Variants in SSBP2 observed in about 807,000 individuals in gnomAD.
SSBP2 encodes single stranded DNA binding protein 2, also known as single-stranded DNA-binding protein 2.
A neutral mutation model predicts 61.8 loss-of-function variants in SSBP2; 17 were observed. That is an observed-to-expected ratio of 0.28 (90% CI 0.19 to 0.41). The LOEUF is 0.41. Ranked by LOEUF, SSBP2 falls within the 10% of genes least tolerant of loss-of-function variation. The pLI, the probability that SSBP2 is intolerant of heterozygous loss-of-function variation, is 1.00. For missense variants in SSBP2, 310 were observed against 458.7 expected, an observed-to-expected ratio of 0.68 and a Z score of 2.96; for synonymous variants, 139 against 141.3, an observed-to-expected ratio of 0.98 and a Z score of 0.12.
intron 6 of SSBP2, among the ~76,000 whole-genome samples, chr5:81,476,226 C>CT (rs1200442267): frequency 1.3e-5 from 2 of 152,126 alleles, no homozygotes; most frequent in Non-Finnish European, 1.5e-5. Flanking sequence ...ACCATACAGC[C>CT]TTTCAAGTCA....
intron 1 of SSBP2, among the ~76,000 whole-genome samples, chr5:81,672,731 C>G (rs907849562): frequency 2.1e-5 from 3 of 144,384 alleles, no homozygotes; most frequent in African/African-American, 7.4e-5. Context: ...GCCACCACAT[C>G]CAGCTAATTT....
At chr5:81,508,865 A>C (rs1212889719) in intron 5 of SSBP2, among the ~76,000 whole-genome samples, 1 of 152,180 alleles carries the variant, frequency 6.6e-6, no homozygotes, top group Admixed American at 6.5e-5. Flanking sequence ...CGGGGACTTC[A>C]TTTGCTAATT....
chr5:81,599,263 G>C (rs1744103057), intron 4 of SSBP2, among the ~76,000 whole-genome samples: 1 of 152,166 alleles, frequency 6.6e-6, no homozygotes. Flanking sequence ...CATTAATTAA[G>C]AGTCAATGGT....
chr5:81,600,301 G>T (rs1237668956), intron 4 of SSBP2, among the ~76,000 whole-genome samples: 1 of 152,130 alleles, frequency 6.6e-6, no homozygotes, highest in East Asian at 1.9e-4. Flanking sequence ...GGTAGCTCAC[G>T]CCTGTAATCC....
chr5:81,681,519 CAA>C (rs35721340), intron 1 of SSBP2, among the ~76,000 whole-genome samples: 10,611 of 106,998 alleles, frequency 0.099, 857 homozygotes, highest in African/African-American at 0.25. Context: ...GGCTCCACCT[CAA>C]AAAAAAAAAA....
intron 1 of SSBP2, among the ~76,000 whole-genome samples, chr5:81,688,163 A>G (rs1052795763): frequency 1.3e-5 from 2 of 152,128 alleles, no homozygotes; most frequent in Non-Finnish European, 2.9e-5. Context: ...GCCTGGGGTA[A>G]TAGGAGCCAC....
intron 4 of SSBP2, among the ~76,000 whole-genome samples, chr5:81,554,210 G>C (rs890375009): frequency 6.6e-6 from 1 of 151,994 alleles, no homozygotes; most frequent in Admixed American, 6.6e-5. Flanking sequence ...CCAACAATGT[G>C]TAGACTTTTT....
chr5:81,574,024 C>A (rs960143653), intron 4 of SSBP2, among the ~76,000 whole-genome samples: 2 of 151,950 alleles, frequency 1.3e-5, no homozygotes, highest in African/African-American at 4.8e-5. Flanking sequence ...GCCTGTAGTC[C>A]CAGCTACTCG....
intron 1 of SSBP2, among the ~76,000 whole-genome samples, chr5:81,662,579 G>A (rs896220368): frequency 6.6e-6 from 1 of 151,722 alleles, no homozygotes; most frequent in Admixed American, 6.6e-5. Context: ...TGAGGCAGGT[G>A]AATCACGAGG....
intron 1 of SSBP2, among the ~76,000 whole-genome samples, chr5:81,657,108 A>T (rs953249227): frequency 6.6e-6 from 1 of 152,190 alleles, no homozygotes; most frequent in Non-Finnish European, 1.5e-5. Context: ...TTTACCGCAT[A>T]ACTTTTCTTT....
At chr5:81,529,231 CCTTT>C (rs769479960) in intron 4 of SSBP2, among the ~76,000 whole-genome samples, 45 of 152,016 alleles carry the variant, frequency 3.0e-4, no homozygotes, top group Middle Eastern at 3.2e-3. Context: ...CGTATGATGG[CCTTT>C]CTGACTCCTT....
intron 5 of SSBP2, among the ~76,000 whole-genome samples, chr5:81,498,528 AATT>A (rs1320472651): frequency 6.6e-6 from 1 of 152,080 alleles, no homozygotes; most frequent in Non-Finnish European, 1.5e-5. Context: ...ATGACTGTAA[AATT>A]ATTTATTCAT....
chr5:81,492,044 C>T (rs751980411), intron 5 of SSBP2, among the ~76,000 whole-genome samples: 1 of 152,188 alleles, frequency 6.6e-6, no homozygotes, highest in Non-Finnish European at 1.5e-5. Context: ...CTTCACTATT[C>T]AGAAGTCAAT....
chr5:81,648,783 T>C (rs1742950301), intron 2 of SSBP2, among the ~76,000 whole-genome samples: 1 of 152,092 alleles, frequency 6.6e-6, no homozygotes, highest in Non-Finnish European at 1.5e-5. Flanking sequence ...ATGTGTTATC[T>C]AATTTAAAAC....
chr5:81,554,141 T>C (rs1162131969), intron 4 of SSBP2, among the ~76,000 whole-genome samples: 1 of 152,026 alleles, frequency 6.6e-6, no homozygotes, highest in Non-Finnish European at 1.5e-5. Flanking sequence ...TAATAAAAAT[T>C]AGATATAAAT....
intron 1 of SSBP2, among the ~76,000 whole-genome samples, chr5:81,693,075 C>T (rs923930397): frequency 2.9e-4 from 44 of 151,636 alleles, no homozygotes; most frequent in African/African-American, 1.0e-3. Context: ...CATGGTGGCA[C>T]GCGCCTGTAG....
At chr5:81,676,087 C>T (rs976772439) in intron 1 of SSBP2, among the ~76,000 whole-genome samples, 2 of 152,156 alleles carry the variant, frequency 1.3e-5, no homozygotes, top group South Asian at 2.1e-4. Context: ...AACTTAAATG[C>T]CATCGCTTCT....
intron 3 of SSBP2, among the ~76,000 whole-genome samples, chr5:81,633,005 C>T (rs1419428915): frequency 1.1e-4 from 16 of 151,398 alleles, no homozygotes; most frequent in African/African-American, 1.7e-4. Flanking sequence ...ACAGTTGTCA[C>T]TACTGACCTT....
At position 81,577,525 on chromosome 5, in the gene SSBP2, T is replaced by C. The variant is rs188899115; in HGVS notation, c.282+37948A>G. 2.3e-4 allele frequency among the ~76,000 whole-genome samples: 35 copies of C among 152,142 alleles called. No individual in the cohort carries two copies. The East Asian group carries it at 6.6e-3, about 28-fold the overall frequency. ...CATTAGGAAGCAACTGTTTTCTGGATGATTACAAGGAAATGGTGTTCCACA... is the reference window on the plus strand; with the variant it reads ...CATTAGGAAGCAACTGTTTTCTGGACGATTACAAGGAAATGGTGTTCCACA... On this transcript the variant is annotated intron_variant, in intron 4 of 16. Transcript: ENST00000320672.
Sources: gnomAD v4.1 joint callset for allele counts (sites outside exome capture counted in the v4.1 genomes callset) on GRCh38, gnomAD v4.1.1 for gene constraint, MANE v1.5 for transcripts, NCBI Gene and HGNC (gene_info 2026-07-23, HGNC 2026-07-21) for gene names.